The following PDK1 variants were observed in gnomAD, a reference collection of about 807,000 sequenced individuals.
The protein encoded by PDK1 is [Pyruvate dehydrogenase (acetyl-transferring)] kinase isozyme 1, mitochondrial.
Under a neutral mutation model 54.2 loss-of-function variants are expected in PDK1, and 39 were observed. The ratio of observed to expected loss-of-function variants is 0.72; its 90% CI spans 0.56 to 0.94. The LOEUF (loss-of-function observed/expected upper bound fraction) is 0.94, where lower values mean the gene tolerates loss of function less well. Ranked by LOEUF, PDK1 falls within the 40% of genes least tolerant of loss-of-function variation. The probability of loss-of-function intolerance (pLI) is 0.00; values close to 1 mark genes in which losing one functional copy is unlikely to be tolerated. For synonymous variants in PDK1, 221 were observed against 207.1 expected, an observed-to-expected ratio of 1.07 and a Z score of -0.58; for missense variants, 552 against 566.0, an observed-to-expected ratio of 0.98 and a Z score of 0.25.
chr2:172,657,451 G>T, the PDK1 span, among the ~76,000 whole-genome samples: 2,009 of 40,720 alleles, frequency 0.049, 8 homozygotes, highest in Middle Eastern at 0.15. Flanking sequence ...TTTAAATGAT[G>T]CTTATATTTT....
At chr2:172,718,149 T>C in the PDK1 span, among the ~76,000 whole-genome samples, 1 of 152,144 alleles carries the variant, frequency 6.6e-6, no homozygotes, top group African/African-American at 2.4e-5. Context: ...AATGTAAAAT[T>C]TGTAATCATA....
the PDK1 span, among the ~76,000 whole-genome samples, chr2:172,648,411 G>T: frequency 6.6e-6 from 1 of 152,216 alleles, no homozygotes; most frequent in Non-Finnish European, 1.5e-5. Flanking sequence ...AACAGCTCCA[G>T]TCTGCAGCTT....
At chr2:172,653,509 A>G in the PDK1 span, among the ~76,000 whole-genome samples, 1 of 152,168 alleles carries the variant, frequency 6.6e-6, no homozygotes, top group Non-Finnish European at 1.5e-5. Context: ...CAGCTAAGTA[A>G]CAAAAATTGC....
the PDK1 span, among the ~76,000 whole-genome samples, chr2:172,701,648 G>GT: frequency 0.24 from 29,343 of 124,564 alleles, 3,400 homozygotes; most frequent in Non-Finnish European, 0.27. Context: ...TTTTTGTTTT[G>GT]TTTTTTTTTT....
At chr2:172,577,268 CTT>C (rs1278425960) in intron 8 of PDK1, among the ~76,000 whole-genome samples, 3 of 152,016 alleles carry the variant, frequency 2.0e-5, no homozygotes, top group Non-Finnish European at 2.9e-5. Context: ...CATCCCAACT[CTT>C]TTTGTTTCTG....
rs1179159689 is a variant in PDK1 at position 172,602,417 on chromosome 2, G to T, written c.*6448G>T. ...AGAAACAGGAAATTCAGTTTCTTTG[G>T]GGGATAGTTGTAATTAAAAGTGCTT... is the stretch of plus-strand genomic sequence containing the variant. On this transcript the variant is annotated 3_prime_UTR_variant, in exon 11 of 11. Transcript: ENST00000282077. 4.6e-5 allele frequency: 7 copies of T among 152,114 alleles called. No individual in the cohort carries two copies. Among genetic ancestry groups the T allele is most frequent in the Admixed American group, 4.6e-4 (7 of 15,270 alleles). 9.4% of individuals were successfully genotyped at this position (152,114 alleles called of 1,614,324 possible).
At chr2:172,586,784 C>T (rs1419416023) in intron 9 of PDK1, among the ~76,000 whole-genome samples, 3 of 152,180 alleles carry the variant, frequency 2.0e-5, no homozygotes, top group Non-Finnish European at 4.4e-5. Flanking sequence ...AGAATGATCT[C>T]ATATCCTAGA....
chr2:172,700,939 T>C, the PDK1 span, among the ~76,000 whole-genome samples: 5 of 151,482 alleles, frequency 3.3e-5, no homozygotes, highest in African/African-American at 9.7e-5. Context: ...TTGCAGTGAG[T>C]CCAGATGGCG....
chr2:172,613,737 G>T, the PDK1 span, among the ~76,000 whole-genome samples: 1 of 152,214 alleles, frequency 6.6e-6, no homozygotes, highest in Non-Finnish European at 1.5e-5. Context: ...AATGATGCCA[G>T]CAGGGAAGTG....
At chr2:172,585,086 T>A (rs1690143328) in intron 8 of PDK1, among the ~76,000 whole-genome samples, 1 of 152,058 alleles carries the variant, frequency 6.6e-6, no homozygotes, top group South Asian at 2.1e-4. Context: ...AGCCTCCACC[T>A]CCTGGGCTCA....
intron 8 of PDK1, among the ~76,000 whole-genome samples, chr2:172,580,238 CTT>C (rs11287577): frequency 0.017 from 2,131 of 127,270 alleles, 49 homozygotes; most frequent in African/African-American, 0.05. Context: ...GAATGTATCA[CTT>C]TTTTTTTTTT....
chr2:172,649,231 T>A, the PDK1 span, among the ~76,000 whole-genome samples: 1 of 152,018 alleles, frequency 6.6e-6, no homozygotes, highest in Non-Finnish European at 1.5e-5. Context: ...GCACCTGGAG[T>A]GGACCTCCAG....
chr2:172,708,109 CTGGGAAACA>C, the PDK1 span, among the ~76,000 whole-genome samples: 5 of 151,908 alleles, frequency 3.3e-5, no homozygotes, highest in African/African-American at 1.2e-4. Context: ...CAAGACCAGC[CTGGGAAACA>C]TGGTGAAACC....
Position 172,583,418 on chromosome 2 carries a change from C to T in PDK1, c.946-2860C>T, listed in dbSNP as rs761694636. Reference sequence around the variant, plus strand: ...AAGAGATTCTTGTGCCTCAGCCTCCCGAGTAGCTGAGATTACAGGCGTGCA... The same window carrying T: ...AAGAGATTCTTGTGCCTCAGCCTCCTGAGTAGCTGAGATTACAGGCGTGCA... On this transcript the variant is annotated intron_variant, in intron 8 of 10. Transcript: ENST00000282077. 3.2e-4 allele frequency among the ~76,000 whole-genome samples: 49 copies of T among 151,034 alleles called. 1 individual carries two copies. The highest frequency in any genetic ancestry group is 1.1e-3 in the Admixed American group (16 of 15,136).
At chr2:172,711,865 C>CAAAAAAAAAAAA in the PDK1 span, among the ~76,000 whole-genome samples, 57 of 22,784 alleles carry the variant, frequency 2.5e-3, 5 homozygotes, top group East Asian at 0.032. Context: ...GAACCTAGCT[C>CAAAAAAAAAAAA]AAAAAAAAAA....
chr2:172,585,752 C>CA (rs1289470988), intron 8 of PDK1, among the ~76,000 whole-genome samples: 2 of 152,088 alleles, frequency 1.3e-5, no homozygotes, highest in Admixed American at 6.5e-5. Context: ...TACAAAGCCA[C>CA]AGCAGTATTA....
chr2:172,651,468 T>C, the PDK1 span, among the ~76,000 whole-genome samples: 1 of 151,998 alleles, frequency 6.6e-6, no homozygotes, highest in Non-Finnish European at 1.5e-5. Context: ...AAGAAATAAC[T>C]AAGATCAGAG....
At chr2:172,707,295 C>A in the PDK1 span, among the ~76,000 whole-genome samples, 1 of 152,156 alleles carries the variant, frequency 6.6e-6, no homozygotes, top group Non-Finnish European at 1.5e-5. Context: ...GGTTGGGGCA[C>A]TTTGTCATTA....
At chr2:172,703,245 C>G in the PDK1 span, among the ~76,000 whole-genome samples, 3 of 152,160 alleles carry the variant, frequency 2.0e-5, no homozygotes, top group African/African-American at 7.2e-5. Context: ...AGATTCTCCT[C>G]TAAATCCTTT....
Sources: gnomAD v4.1 joint callset for allele counts (sites outside exome capture counted in the v4.1 genomes callset) on GRCh38, gnomAD v4.1.1 for gene constraint, MANE v1.5 for transcripts, NCBI Gene and HGNC (gene_info 2026-07-23, HGNC 2026-07-21) for gene names.